The following ACOXL variants were observed in gnomAD, a reference collection of about 807,000 sequenced individuals.
ACOXL encodes acyl-CoA oxidase like.
Under a neutral mutation model 71.9 loss-of-function variants are expected in ACOXL, and 70 were observed. The ratio of observed to expected loss-of-function variants is 0.97; its 90% CI spans 0.80 to 1.19. The LOEUF (loss-of-function observed/expected upper bound fraction) is 1.19. ACOXL is among the 50% of genes most tolerant of loss of function. The probability of loss-of-function intolerance (pLI) is 0.00; values close to 1 mark genes in which losing one functional copy is unlikely to be tolerated. For synonymous variants in ACOXL, 253 were observed against 281.6 expected (o/e 0.90, Z 1.02); for missense variants, 703 against 736.3 (o/e 0.95, Z 0.52).
intron 10 of ACOXL, among the ~76,000 whole-genome samples, chr2:110,883,773 A>G (rs1402407704): frequency 6.6e-6 from 1 of 152,200 alleles, no homozygotes; most frequent in African/African-American, 2.4e-5. Flanking sequence ...ATTTATGAAA[A>G]TTGTTCATAC....
At chr2:110,798,578 G>A (rs1451759295) in intron 5 of ACOXL, 32 bp from the exon 6 acceptor site, 1 of 1,567,682 alleles carries the variant, frequency 6.4e-7, no homozygotes, top group East Asian at 2.2e-5. Flanking sequence ...CCATGGGAAG[G>A]GAAACACTGT....
rs376926482 is a variant in ACOXL, at chr2:110,921,388, A to ACCCCC, written c.906-12093_906-12089dup. ...TCTCTCTCTGTGTCTCTATATATCC[A>ACCCCC]CCCCCCCCCCCCTTTTTTTTTTGAG... On this transcript the variant is annotated intron_variant, in intron 11 of 17. Transcript: ENST00000439055. 9.9e-4 allele frequency among the ~76,000 whole-genome samples: 57 copies of ACCCCC among 57,594 alleles called. 1 individual carries two copies. The highest frequency in any genetic ancestry group is 1.6e-3 in the Non-Finnish European group (44 of 27,694). The allele number at this position is 57,594 out of a possible 152,430, so 37.8% of individuals were successfully genotyped here.
chr2:110,915,088 G>T (rs1187344190), intron 11 of ACOXL, among the ~76,000 whole-genome samples: 1 of 151,894 alleles, frequency 6.6e-6, no homozygotes, highest in South Asian at 2.1e-4. Flanking sequence ...TAAATAGTAG[G>T]TCTTATTCAT....
At chr2:110,967,066 A>C (rs1039853439) in intron 12 of ACOXL, among the ~76,000 whole-genome samples, 1 of 152,248 alleles carries the variant, frequency 6.6e-6, no homozygotes, top group African/African-American at 2.4e-5. Context: ...TGCGGATACC[A>C]AGAAGAATCC....
chr2:111,015,287 C>T (rs1479369366), intron 14 of ACOXL, among the ~76,000 whole-genome samples: 3 of 152,090 alleles, frequency 2.0e-5, no homozygotes, highest in Non-Finnish European at 4.4e-5. Flanking sequence ...AGATACAACC[C>T]AGGAAGAATT....
chr2:110,910,758 A>G (rs1175214132), intron 11 of ACOXL, among the ~76,000 whole-genome samples: 1 of 152,124 alleles, frequency 6.6e-6, no homozygotes, highest in Non-Finnish European at 1.5e-5. Flanking sequence ...TCTGTGAAAG[A>G]TCTATTTAAA....
intron 14 of ACOXL, among the ~76,000 whole-genome samples, chr2:111,023,225 A>G (rs1023826896): frequency 2.6e-5 from 4 of 152,230 alleles, no homozygotes; most frequent in South Asian, 4.2e-4. Flanking sequence ...CAGGGAGATG[A>G]GAGGGGAGCG....
chr2:110,937,961 C>T (rs868849310), intron 12 of ACOXL, among the ~76,000 whole-genome samples: 2 of 152,162 alleles, frequency 1.3e-5, no homozygotes, highest in South Asian at 2.1e-4. Flanking sequence ...GATGTTTCCT[C>T]GATGTGCCCA....
chr2:110,809,575 C>T (rs1288350363), intron 9 of ACOXL, among the ~76,000 whole-genome samples: 1 of 152,284 alleles, frequency 6.6e-6, no homozygotes, highest in Middle Eastern at 3.4e-3. Flanking sequence ...TTCTCAGAAC[C>T]GGCGATAGAC....
At chr2:110,771,195 C>T (rs957770260) in intron 2 of ACOXL, among the ~76,000 whole-genome samples, 1 of 152,192 alleles carries the variant, frequency 6.6e-6, no homozygotes, top group Non-Finnish European at 1.5e-5. Flanking sequence ...GCGGCAGGCT[C>T]ATCTCGCTGG....
chr2:111,000,114 G>A (rs1187511086), intron 14 of ACOXL, among the ~76,000 whole-genome samples: 4 of 152,178 alleles, frequency 2.6e-5, no homozygotes, highest in Non-Finnish European at 1.5e-5. Context: ...GAAGCCTAAA[G>A]TACCTTGACG....
At chr2:111,032,713 G>T (rs2065333890) in intron 15 of ACOXL, among the ~76,000 whole-genome samples, 1 of 152,150 alleles carries the variant, frequency 6.6e-6, no homozygotes, top group Non-Finnish European at 1.5e-5. Flanking sequence ...GGGCTCCTCG[G>T]TGGGATCAGG....
At chr2:110,746,734 A>G (rs964254239) in intron 1 of ACOXL, among the ~76,000 whole-genome samples, 1 of 152,148 alleles carries the variant, frequency 6.6e-6, no homozygotes. Flanking sequence ...AGGTCAGCGA[A>G]CTACCGAAGA....
At chr2:110,831,369 CA>C (rs768075111) in intron 9 of ACOXL, among the ~76,000 whole-genome samples, 1 of 152,002 alleles carries the variant, frequency 6.6e-6, no homozygotes, top group African/African-American at 2.4e-5. Context: ...TATAATTGCT[CA>C]AAAAATACAT....
intron 12 of ACOXL, among the ~76,000 whole-genome samples, chr2:110,962,707 C>T (rs1280158873): frequency 6.6e-6 from 1 of 152,204 alleles, no homozygotes; most frequent in Non-Finnish European, 1.5e-5. Context: ...TATGACTGCC[C>T]CTGGGCCTCT....
chr2:111,039,057 T>C (rs2065656046), intron 15 of ACOXL, among the ~76,000 whole-genome samples: 1 of 152,210 alleles, frequency 6.6e-6, no homozygotes, highest in South Asian at 2.1e-4. Flanking sequence ...AAAACAAGAA[T>C]TAAATGTGTA....
chr2:110,922,238 C>G (rs1167176449), intron 11 of ACOXL, among the ~76,000 whole-genome samples: 1 of 152,086 alleles, frequency 6.6e-6, no homozygotes. Context: ...TTGGTGCATA[C>G]ACATGCAGGT....
At chr2:111,083,641 T>A (rs978133870) in intron 16 of ACOXL, among the ~76,000 whole-genome samples, 2 of 151,710 alleles carry the variant, frequency 1.3e-5, no homozygotes, top group Non-Finnish European at 2.9e-5. Context: ...TCAGACCATA[T>A]CGCACAACTA....
intron 11 of ACOXL, among the ~76,000 whole-genome samples, chr2:110,920,799 G>C (rs1447030832): frequency 3.3e-5 from 5 of 152,000 alleles, no homozygotes; most frequent in Admixed American, 3.3e-4. Flanking sequence ...TATTAATATT[G>C]AGTCTTTCAA....
Sources: allele counts gnomAD v4.1 joint callset (sites outside exome capture counted in the v4.1 genomes callset), GRCh38; gene constraint gnomAD v4.1.1; transcripts MANE v1.5; gene names NCBI Gene and HGNC (gene_info 2026-07-23, HGNC 2026-07-21).